The following TRPM1 variants were observed in gnomAD, a reference collection of about 807,000 sequenced individuals.
The protein encoded by TRPM1 is TRPM1-203 APA Isoform, Intron 10.
A neutral mutation model predicts 149.4 loss-of-function variants in TRPM1; 113 were observed. The observed-to-expected ratio is 0.76, with a 90% CI of 0.65 to 0.88. TRPM1 has a LOEUF of 0.88. TRPM1 is among the 40% of genes least tolerant of loss of function. The pLI is 0.00. For missense variants in TRPM1, 1,976 were observed against 2,038.7 expected (o/e 0.97, Z 0.59); for synonymous variants, 741 against 759.5 (o/e 0.98, Z 0.40).
At chr15:31,018,078 G>A (rs1166219116) in intron 27 of TRPM1, among the ~76,000 whole-genome samples, 1 of 152,070 alleles carries the variant, frequency 6.6e-6, no homozygotes, top group Non-Finnish European at 1.5e-5. Flanking sequence ...TTGAGATGGA[G>A]TTTCGCTCTA....
intron 12 of TRPM1, among the ~76,000 whole-genome samples, 193 bp from the exon 13 acceptor site, chr15:31,049,702 A>G (rs771341747): frequency 1.3e-4 from 20 of 152,182 alleles, no homozygotes; most frequent in Non-Finnish European, 1.6e-4. Context: ...TGGCCTCTAC[A>G]TGTTCCATCC....
At chr15:31,088,707 T>A (rs913696838) in intron 1 of TRPM1, among the ~76,000 whole-genome samples, 1 of 151,794 alleles carries the variant, frequency 6.6e-6, no homozygotes, top group Non-Finnish European at 1.5e-5. Flanking sequence ...TTGGGGGCCG[T>A]CGTATGAGAT....
chr15:31,113,564 A>G (rs912823439), intron 1 of TRPM1, among the ~76,000 whole-genome samples: 4 of 150,492 alleles, frequency 2.7e-5, no homozygotes, highest in Non-Finnish European at 5.9e-5. Flanking sequence ...TTTTTTTTTA[A>G]CTTTAGGTTC....
intron 27 of TRPM1, among the ~76,000 whole-genome samples, chr15:31,005,552 G>A (rs1000344511): frequency 6.6e-6 from 1 of 151,974 alleles, no homozygotes; most frequent in African/African-American, 2.4e-5. Flanking sequence ...CTTCATTGAA[G>A]CTGTGGAAGA....
chr15:31,100,120 C>T (rs904027024), intron 1 of TRPM1, among the ~76,000 whole-genome samples: 2 of 151,078 alleles, frequency 1.3e-5, no homozygotes, highest in African/African-American at 4.9e-5. Context: ...CACTCTGTCG[C>T]CCAGGCTGGA....
Position 31,113,343 on chromosome 15 carries a change from A to G in TRPM1, c.55-36359T>C, listed in dbSNP as rs183880806. Among the ~76,000 whole-genome samples, 32 of 152,224 alleles carry G rather than the reference A, an allele frequency of 2.1e-4. No homozygotes were observed. The East Asian group carries it at 6.2e-3, about 29-fold the overall frequency. ...AGCCCCTGACTGGGAAAGACTTGGAAAGAGCCAGGGCCACCATGGACTGTC... is the reference window on the plus strand; with the variant it reads ...AGCCCCTGACTGGGAAAGACTTGGAGAGAGCCAGGGCCACCATGGACTGTC... On this transcript the variant is annotated intron_variant, in intron 1 of 26. Transcript: ENST00000542188.
chr15:31,127,122 G>A (rs1399257490), intron 1 of TRPM1, among the ~76,000 whole-genome samples: 2 of 152,202 alleles, frequency 1.3e-5, no homozygotes, highest in South Asian at 2.1e-4. Context: ...GTTTGTGAAG[G>A]CCCCAGGCTG....
chr15:31,075,049 T>C lies in TRPM1; in HGVS notation c.83+1856A>G, dbSNP rs145222104. ...TGTGGTTGGAGGACAGTTTGTATTA[T>C]TTCTATCCTTTTAGATATTTTGAGG... On this transcript the variant is annotated intron_variant, in intron 3 of 27. Transcript: ENST00000256552. Among the ~76,000 whole-genome samples the C allele has an allele frequency of 4.7e-3, 715 of 152,336 alleles. 7 individuals are homozygous for C. Among genetic ancestry groups the C allele is most frequent in the African/African-American group, 0.015 (622 of 41,578 alleles).
At chr15:31,023,033 A>AAAACAG (rs1595984342) in intron 27 of TRPM1, among the ~76,000 whole-genome samples, 1 of 152,180 alleles carries the variant, frequency 6.6e-6, no homozygotes, top group South Asian at 2.1e-4. Context: ...AACAAAAACA[A>AAAACAG]AAACAGAAAC....
At chr15:31,006,560 G>A (rs1324304906) in intron 27 of TRPM1, among the ~76,000 whole-genome samples, 1 of 152,236 alleles carries the variant, frequency 6.6e-6, no homozygotes, top group Non-Finnish European at 1.5e-5. Flanking sequence ...AGTATGAAAA[G>A]AGCTGCTATA....
At position 31,035,551 on chromosome 15, in the gene TRPM1, G is replaced by A. The variant is rs1485132228; in HGVS notation, c.2695C>T (p.Arg899Ter). Residue 899 changes from arginine (R) to a stop codon, truncating the protein, a stop_gained, in exon 21 of 28, where the codon CGA (arginine) becomes TGA (stop). Coordinates refer to ENST00000256552, the MANE Select transcript of TRPM1 (RefSeq NM_001252024.2). LOFTEE classifies it high-confidence loss of function. ...YIVSLALEKI[R>*]EILMSEPGKL... ...GAGGCCTTTGGAGTAGCCACCTCTC[G>A]TATCTTCTCTAACGCCAGGCTCACG... 7.4e-6 allele frequency: 12 copies of A among 1,613,984 alleles called. No individual in the cohort carries two copies. The highest frequency in any genetic ancestry group is 3.3e-4 in the Middle Eastern group (2 of 6,080).
chr15:31,066,928 G>A, intron 6 of TRPM1, 135 bp downstream of exon 6: 2 of 1,173,964 alleles, frequency 1.7e-6, no homozygotes, highest in East Asian at 2.5e-5. Context: ...TTTGCAAGAT[G>A]TTACCATTGG....
At chr15:31,160,842 G>A (rs2036435021) in intron 1 of TRPM1, 1 of 1,503,872 alleles carries the variant, frequency 6.6e-7, no homozygotes, top group Non-Finnish European at 8.9e-7. Flanking sequence ...TGACAGAGCT[G>A]GAGACCAGTG....
chr15:31,061,322 G>A (rs948501917), intron 10 of TRPM1, 120 bp downstream of exon 10: 2 of 959,640 alleles, frequency 2.1e-6, no homozygotes, highest in East Asian at 5.1e-5. Flanking sequence ...GACTGCTCAA[G>A]TGGCCTGGCT....
At chr15:31,156,502 C>T (rs2036379558) in intron 1 of TRPM1, among the ~76,000 whole-genome samples, 1 of 152,166 alleles carries the variant, frequency 6.6e-6, no homozygotes, top group African/African-American at 2.4e-5. Flanking sequence ...CTTATCTTAA[C>T]CCAGACACTT....
At chr15:31,039,057 G>C (rs537409777) in intron 18 of TRPM1, among the ~76,000 whole-genome samples, 1 of 151,312 alleles carries the variant, frequency 6.6e-6, no homozygotes, top group Non-Finnish European at 1.5e-5. Context: ...GAGGTTGAAG[G>C]TGTATAGTTT....
chr15:31,023,751 G>C (rs528188241), intron 27 of TRPM1, among the ~76,000 whole-genome samples: 100 of 152,280 alleles, frequency 6.6e-4, no homozygotes, highest in African/African-American at 2.3e-3. Flanking sequence ...AGAACCCTGA[G>C]AGCAGGGCCC....
intron 3 of TRPM1, among the ~76,000 whole-genome samples, chr15:31,072,004 TATATATATATATATAGAGAGAGAG>T (rs1310447900): frequency 0.015 from 817 of 53,660 alleles, 12 homozygotes; most frequent in Non-Finnish European, 0.022. Context: ...TATATATATA[TATATATATATATATAGAGAGAGAG>T]AGAGAGAGAG....
rs150493008 is a variant in TRPM1 at position 31,066,454 on chromosome 15, T to C, written c.619-207A>G. The stretch of plus-strand genomic sequence containing the variant: ...GTTTTAGATAATGACAACCTAGCAA[T>C]TGCACCCCTGGCATTTATCACAGAG... On this transcript the variant is annotated intron_variant, in intron 6 of 27. Coordinates refer to ENST00000256552, the MANE Select transcript of TRPM1 (RefSeq NM_001252024.2). Among the ~76,000 whole-genome samples the C allele has an allele frequency of 3.3e-5, 5 of 152,306 alleles. No individual in the cohort carries two copies. In the East Asian group the frequency reaches 9.7e-4, roughly 29 times the overall value.
Sources: gnomAD v4.1 joint callset for allele counts (sites outside exome capture counted in the v4.1 genomes callset) on GRCh38, gnomAD v4.1.1 for gene constraint, MANE v1.5 for transcripts, NCBI Gene and HGNC (gene_info 2026-07-23, HGNC 2026-07-21) for gene names.